BDH2: variants seen among roughly 807,000 people sequenced by gnomAD.
The protein encoded by BDH2 is dehydrogenase/reductase SDR family member 6.
Under a neutral mutation model 33.2 loss-of-function variants are expected in BDH2, and 24 were observed. The ratio of observed to expected loss-of-function variants is 0.72; its 90% CI spans 0.52 to 1.02. The LOEUF (loss-of-function observed/expected upper bound fraction) is 1.02, where lower values mean the gene tolerates loss of function less well. Among genes scored for constraint, BDH2 ranks in the 50% least tolerant of loss-of-function variants. The pLI is 0.00. For synonymous variants in BDH2, 81 were observed against 101.6 expected (o/e 0.80, Z 1.22); for missense variants, 249 against 301.6 (o/e 0.83, Z 1.29).
rs1213283270 is a variant in BDH2 at position 103,079,393 on chromosome 4, C to G, written c.*309G>C. 1.0e-5 allele frequency: 3 copies of G among 288,512 alleles called. No homozygotes were observed. The highest frequency in any genetic ancestry group is 2.0e-5 in the Non-Finnish European group (3 of 152,612). The allele number at this position is 288,512 out of a possible 1,614,324, so 17.9% of individuals were successfully genotyped here. A position where few individuals can be genotyped will look rare whatever the true frequency, so the allele number is the denominator to read the frequency against. On this transcript the variant is annotated 3_prime_UTR_variant, in exon 10 of 10. Coordinates refer to ENST00000296424, the MANE Select transcript of BDH2 (RefSeq NM_020139.4). Reference sequence around the variant, plus strand: ...ATGTTTGTTGTCTATGACACTCCATCTATGGTAATTTGTTATAGCAGCCCA... The same window carrying G: ...ATGTTTGTTGTCTATGACACTCCATGTATGGTAATTTGTTATAGCAGCCCA...
chr4:103,085,006 A>T (rs1218805999), intron 7 of BDH2, among the ~76,000 whole-genome samples: 5 of 152,350 alleles, frequency 3.3e-5, no homozygotes, highest in African/African-American at 1.2e-4. Flanking sequence ...TCCTTATTAG[A>T]TACCTTAAGT....
At chr4:103,085,665 C>CT in intron 6 of BDH2, 1 of 1,495,032 alleles carries the variant, frequency 6.7e-7, no homozygotes, top group Non-Finnish European at 8.9e-7. Context: ...ATAGGCACAA[C>CT]TTAATTGAGA....
rs146682201 is a variant in BDH2 at position 103,091,121 on chromosome 4, C to T, written c.357+56G>A. 1.0e-3 allele frequency: 1,121 copies of T among 1,086,770 alleles called. 19 individuals carry two copies. The East Asian group carries it at 0.026, about 25-fold the overall frequency. The allele number at this position is 1,086,770 out of a possible 1,614,324, so 67.3% of individuals were successfully genotyped here. ...CACATGTGGGAATCCCTTCTGTGTG[C>T]CCAGTACAGAGACCTAATGTGGTGC... On this transcript the variant is annotated intron_variant, in intron 5 of 9. Transcript: ENST00000296424.
rs1377291191 is a variant in BDH2 at position 103,079,639 on chromosome 4, C to T, written c.*63G>A. 3 of 1,513,888 alleles carry T rather than the reference C, an allele frequency of 2.0e-6. No individual in the cohort carries two copies. Among genetic ancestry groups the T allele is most frequent in the South Asian group, 1.1e-5 (1 of 88,176 alleles). The allele number at this position is 1,513,888 out of a possible 1,614,324, so 93.8% of individuals were successfully genotyped here. On this transcript the variant is annotated 3_prime_UTR_variant, in exon 10 of 10. Transcript: ENST00000296424. ...AAGGAGATGATTGGTGAGTTTTCTT[C>T]GTAACCAGGTTCACTGTGGATAGGA...
intron 1 of BDH2, among the ~76,000 whole-genome samples, chr4:103,097,127 C>T (rs527486549): frequency 6.3e-4 from 96 of 152,082 alleles, no homozygotes; most frequent in Non-Finnish European, 1.0e-3. Flanking sequence ...AATCAAATCA[C>T]ATCCAATACT....
intron 9 of BDH2, among the ~76,000 whole-genome samples, chr4:103,080,708 G>A (rs893750522): frequency 1.3e-5 from 2 of 152,128 alleles, no homozygotes; most frequent in African/African-American, 4.8e-5. Context: ...AAAGCCAAAG[G>A]TACTTTTGTA....
At chr4:103,093,559 A>G (rs974194826) in intron 3 of BDH2, among the ~76,000 whole-genome samples, 1 of 148,260 alleles carries the variant, frequency 6.7e-6, no homozygotes, top group African/African-American at 2.5e-5. Context: ...TGCATAATAT[A>G]TATTATAACA....
At chr4:103,086,963 C>T (rs1474176940) in intron 5 of BDH2, among the ~76,000 whole-genome samples, 1 of 152,180 alleles carries the variant, frequency 6.6e-6, no homozygotes, top group Non-Finnish European at 1.5e-5. Flanking sequence ...CTACAGGAGG[C>T]AACCAGTCTG....
At chr4:103,096,347 T>C (rs1748404524) in intron 1 of BDH2, 73 bp from the exon 2 acceptor site, 1 of 904,656 alleles carries the variant, frequency 1.1e-6, no homozygotes, top group Non-Finnish European at 1.7e-6. Context: ...CTAGAATGAA[T>C]AGTTCAGTGT....
In BDH2 at chr4:103,091,214, C is replaced by A. The variant is rs143985505; in HGVS notation, c.320G>T (p.Arg107Leu). 1.9e-6 allele frequency: 3 copies of A among 1,612,882 alleles called. No individual in the cohort carries two copies. In the South Asian group the frequency reaches 3.3e-5, roughly 18 times the overall value. Residue 107 changes from arginine to leucine, a missense_variant, in exon 5 of 10, where the codon CGC (arginine) becomes CTC (leucine). Physicochemically the swap from Arg to Leu is moderately radical, Grantham distance 102. Coordinates refer to ENST00000296424, the MANE Select transcript of BDH2 (RefSeq NM_020139.4). ...DWDFSMNLNV[R>L]SMYLMIKAFL... ...TGCCTTGATCATCAGGTACATGCTG[C>A]GCACATTGAGATTCATCGAGAAGTC...
At chr4:103,090,793 G>A (rs548781819) in intron 5 of BDH2, among the ~76,000 whole-genome samples, 2 of 152,122 alleles carry the variant, frequency 1.3e-5, no homozygotes, top group Non-Finnish European at 1.5e-5. Flanking sequence ...CAGAGGGGCC[G>A]CATTGATATC....
Position 103,080,604 on chromosome 4 carries a change from T to A in BDH2, c.685-849A>T, listed in dbSNP as rs569505717. Among the ~76,000 whole-genome samples the A allele has an allele frequency of 3.0e-4, 45 of 152,330 alleles. 1 individual carries two copies. In the South Asian group the frequency reaches 9.3e-3, roughly 32 times the overall value. ...ATACAGTAGGTGAACTAGGGAGTTATTAGTCACTTCACCAAAGAAATACCT... is the reference window on the plus strand; with the variant it reads ...ATACAGTAGGTGAACTAGGGAGTTAATAGTCACTTCACCAAAGAAATACCT... On this transcript the variant is annotated intron_variant, in intron 9 of 9. Transcript: ENST00000296424.
At chr4:103,088,625 T>C (rs911029554) in intron 5 of BDH2, among the ~76,000 whole-genome samples, 1 of 152,160 alleles carries the variant, frequency 6.6e-6, no homozygotes, top group Non-Finnish European at 1.5e-5. Context: ...AAGTGCCTGG[T>C]ACATAGTACT....
intron 9 of BDH2, 73 bp from the exon 10 acceptor site, chr4:103,079,828 T>C: frequency 2.1e-6 from 3 of 1,403,412 alleles, no homozygotes; most frequent in East Asian, 2.3e-5. Context: ...AATTTTCCTG[T>C]GACTAGGATA....
rs1747348870 is a variant in BDH2, at chr4:103,078,544, G to A, written c.*1158C>T. 6.6e-6 allele frequency among the ~76,000 whole-genome samples: 1 copy of A among 152,126 alleles called. No homozygotes were observed. Among genetic ancestry groups the A allele is most frequent in the African/African-American group, 2.4e-5 (1 of 41,412 alleles). The stretch of plus-strand genomic sequence containing the variant: ...TAGTAAATAATAAGGGATGGCATCC[G>A]TTAAGTATAAACACTGGATTATTTT... On this transcript the variant is annotated 3_prime_UTR_variant, in exon 10 of 10. Coordinates refer to ENST00000296424, the MANE Select transcript of BDH2 (RefSeq NM_020139.4).
chr4:103,086,134 G>A, intron 6 of BDH2: 1 of 1,098,654 alleles, frequency 9.1e-7, no homozygotes, highest in South Asian at 2.7e-5. Flanking sequence ...GTTTTGGACT[G>A]TGAATTCTTT....
chr4:103,081,984 T>C (rs1030510444), intron 9 of BDH2, 97 bp downstream of exon 9: 63 of 971,770 alleles, frequency 6.5e-5, no homozygotes, highest in Admixed American at 3.4e-4. Context: ...TTAGCACATA[T>C]ATGCCACAAA....
chr4:103,099,328 A>G (rs1219387619), intron 1 of BDH2: 5 of 152,186 alleles, frequency 3.3e-5, no homozygotes, highest in Admixed American at 2.0e-4. Flanking sequence ...TTTGGGGTCA[A>G]AGCCTTAACA....
chr4:103,086,576 C>G (rs764127287), intron 5 of BDH2, 36 bp from the exon 6 acceptor site: 1 of 1,538,784 alleles, frequency 6.5e-7, no homozygotes, highest in African/African-American at 1.4e-5. Context: ...AAAAAAAAAT[C>G]CACTTTGTGG....
Sources: gnomAD v4.1 joint callset for allele counts (sites outside exome capture counted in the v4.1 genomes callset) on GRCh38, gnomAD v4.1.1 for gene constraint, MANE v1.5 for transcripts, NCBI Gene and HGNC (gene_info 2026-07-23, HGNC 2026-07-21) for gene names.